Variants in PKHD1 observed in about 807,000 individuals in gnomAD.
PKHD1 encodes PKHD1 ciliary IPT domain containing fibrocystin/polyductin, also known as fibrocystin.
PKHD1 carries 291 observed loss-of-function variants against 412.0 expected under a neutral mutation model. The observed-to-expected ratio is 0.71, with a 90% CI of 0.64 to 0.78. The LOEUF (loss-of-function observed/expected upper bound fraction) is 0.78. PKHD1 is among the 30% of genes least tolerant of loss of function. PKHD1 has a pLI of 0.00. For missense variants in PKHD1, 4,825 were observed against 4,950.7 expected, an observed-to-expected ratio of 0.97 and a Z score of 0.76; for synonymous variants, 1,777 against 1,821.5, an observed-to-expected ratio of 0.98 and a Z score of 0.62.
At chr6:52,082,152 AAC>A (rs1812126726) in intron 4 of PKHD1, among the ~76,000 whole-genome samples, 1 of 152,182 alleles carries the variant, frequency 6.6e-6, no homozygotes, top group Admixed American at 6.5e-5. Context: ...AACAAATGGA[AAC>A]ACAATCCAGC....
At chr6:52,065,075 G>T in intron 12 of PKHD1, 25 bp from the exon 13 acceptor site, 1 of 1,198,738 alleles carries the variant, frequency 8.3e-7, no homozygotes, top group Non-Finnish European at 1.2e-6. Context: ...AGAAATTTAT[G>T]TATGTGTGTG....
intron 55 of PKHD1, among the ~76,000 whole-genome samples, chr6:51,763,036 G>C (rs1353191360): frequency 6.6e-6 from 1 of 152,010 alleles, no homozygotes; most frequent in East Asian, 1.9e-4. Flanking sequence ...CACATCATTT[G>C]TATAAACTCA....
chr6:51,916,196 T>A (rs1343912796), intron 37 of PKHD1, among the ~76,000 whole-genome samples: 1 of 152,184 alleles, frequency 6.6e-6, no homozygotes, highest in Non-Finnish European at 1.5e-5. Context: ...CAATTCATAG[T>A]GGTTTAAATG....
intron 35 of PKHD1, among the ~76,000 whole-genome samples, chr6:51,981,403 C>G (rs1163921535): frequency 1.4e-5 from 2 of 146,408 alleles, no homozygotes; most frequent in Admixed American, 7.0e-5. Flanking sequence ...CGAGCCAAGG[C>G]TGGACGGTGC....
At chr6:51,662,617 C>A (rs369524981) in intron 60 of PKHD1, among the ~76,000 whole-genome samples, 6 of 151,466 alleles carry the variant, frequency 4.0e-5, no homozygotes, top group African/African-American at 1.5e-4. Context: ...AAAGAAACAA[C>A]AACAAAACAA....
At chr6:52,032,686 T>C (rs1803240889) in intron 29 of PKHD1, among the ~76,000 whole-genome samples, 1 of 152,226 alleles carries the variant, frequency 6.6e-6, no homozygotes, top group African/African-American at 2.4e-5. Flanking sequence ...CTAATAATCC[T>C]ATAAATTAGG....
At chr6:51,669,513 AT>A (rs1424906939) in intron 60 of PKHD1, among the ~76,000 whole-genome samples, 3 of 147,148 alleles carry the variant, frequency 2.0e-5, no homozygotes, top group Non-Finnish European at 3.0e-5. Flanking sequence ...GGATTCATTA[AT>A]TTTTTGAAGG....
chr6:51,897,285 G>T (rs1780248029), intron 43 of PKHD1, among the ~76,000 whole-genome samples: 1 of 151,740 alleles, frequency 6.6e-6, no homozygotes, highest in Non-Finnish European at 1.5e-5. Context: ...TACCCTCAAA[G>T]GGAAGCCCAT....
Position 51,802,784 on chromosome 6 carries a change from ATCT to A in PKHD1, c.8303-11414_8303-11412del, listed in dbSNP as rs1040265920. Among the ~76,000 whole-genome samples the A allele has an allele frequency of 1.3e-4, 19 of 151,372 alleles. 2 individuals carry two copies. The highest frequency in any genetic ancestry group is 4.2e-4 in the African/African-American group (17 of 40,828). On this transcript the variant is annotated intron_variant, in intron 52 of 66. Transcript: ENST00000371117. ...CCCATCAGGTCTTTTTTGAAAATAA[ATCT>A]TCTCTTTTTGTCTCTGCTTGACACT...
chr6:51,851,217 T>G (rs1175283952), intron 49 of PKHD1, among the ~76,000 whole-genome samples: 1 of 152,244 alleles, frequency 6.6e-6, no homozygotes. Flanking sequence ...TTGTGTATGT[T>G]GAACCAGCCT....
intron 60 of PKHD1, among the ~76,000 whole-genome samples, chr6:51,675,301 G>A (rs543321336): frequency 6.6e-6 from 1 of 152,098 alleles, no homozygotes; most frequent in African/African-American, 2.4e-5. Context: ...CTCTGGATTT[G>A]TTTTCTTCCT....
At chr6:51,993,944 A>G (rs1021779322) in intron 35 of PKHD1, among the ~76,000 whole-genome samples, 1 of 152,166 alleles carries the variant, frequency 6.6e-6, no homozygotes, top group Admixed American at 6.5e-5. Context: ...CAGAGAGCCA[A>G]TAGGTGTTGT....
At chr6:51,770,671 C>T (rs1294211477) in intron 55 of PKHD1, among the ~76,000 whole-genome samples, 6 of 147,176 alleles carry the variant, frequency 4.1e-5, no homozygotes, top group Non-Finnish European at 9.1e-5. Context: ...TTTATGGTTT[C>T]TTTCATTTTT....
intron 37 of PKHD1, among the ~76,000 whole-genome samples, chr6:51,918,292 G>A (rs185603651): frequency 3.2e-4 from 48 of 152,096 alleles, no homozygotes; most frequent in African/African-American, 1.1e-3. Context: ...GTGGTTTGCT[G>A]CACCCATCAA....
chr6:51,830,823 G>A, intron 52 of PKHD1, 38 bp downstream of exon 52: 1 of 1,597,896 alleles, frequency 6.3e-7, no homozygotes, highest in Non-Finnish European at 8.6e-7. Flanking sequence ...GCTGGGTTCA[G>A]CCTGTCTGTG....
At chr6:51,688,677 C>T (rs1777766086) in intron 60 of PKHD1, among the ~76,000 whole-genome samples, 1 of 152,062 alleles carries the variant, frequency 6.6e-6, no homozygotes, top group African/African-American at 2.4e-5. Context: ...CACAGATATA[C>T]AAACAACCAT....
intron 43 of PKHD1, among the ~76,000 whole-genome samples, chr6:51,899,838 T>C (rs935791131): frequency 6.6e-6 from 1 of 152,178 alleles, no homozygotes; most frequent in South Asian, 2.1e-4. Context: ...ACAATATCAA[T>C]GTACAAAAAT....
At chr6:51,797,467 A>C (rs1794791989) in intron 52 of PKHD1, among the ~76,000 whole-genome samples, 2 of 152,214 alleles carry the variant, frequency 1.3e-5, no homozygotes, top group Non-Finnish European at 2.9e-5. Flanking sequence ...AACTTGCTTT[A>C]TGAATCTGGG....
intron 46 of PKHD1, 97 bp from the exon 47 acceptor site, chr6:51,870,736 C>A (rs182159756): frequency 2.1e-6 from 2 of 970,204 alleles, no homozygotes; most frequent in South Asian, 1.4e-5. Context: ...GATAAAAAAG[C>A]GAGCTATTGA....
Sources: allele counts gnomAD v4.1 joint callset (sites outside exome capture counted in the v4.1 genomes callset), GRCh38; gene constraint gnomAD v4.1.1; transcripts MANE v1.5; gene names NCBI Gene and HGNC (gene_info 2026-07-23, HGNC 2026-07-21).